The following CTNNA3 variants were observed in gnomAD, a reference collection of about 807,000 sequenced individuals.
The protein encoded by CTNNA3 is catenin alpha-3.
In CTNNA3, 76 loss-of-function variants were observed where a neutral mutation model predicts 95.7. The observed-to-expected ratio is 0.79, with a 90% CI of 0.66 to 0.96. The LOEUF (loss-of-function observed/expected upper bound fraction) is 0.96. Ranked by LOEUF, CTNNA3 falls within the 40% of genes least tolerant of loss-of-function variation. The pLI, the probability that CTNNA3 is intolerant of heterozygous loss-of-function variation, is 0.00. For synonymous variants in CTNNA3, 431 were observed against 374.4 expected (o/e 1.15, Z -1.74); for missense variants, 1,191 against 1,089.8 (o/e 1.09, Z -1.31).
At chr10:66,623,461 C>T (rs1186530002) in intron 9 of CTNNA3, among the ~76,000 whole-genome samples, 1 of 151,454 alleles carries the variant, frequency 6.6e-6, no homozygotes, top group Non-Finnish European at 1.5e-5. Flanking sequence ...TGCTGGCCAC[C>T]GAGGCTTATT....
rs368158826 is a variant in CTNNA3, at chr10:66,243,484, T to G, written c.1884+36986A>C. On this transcript the variant is annotated intron_variant, in intron 13 of 17. Transcript: ENST00000433211. ...CCTTATCTTAACCCAGACATTCCTT[T>G]TTTTCTATTGATTCTAGGTCTTTAG... Among the ~76,000 whole-genome samples the G allele has an allele frequency of 5.9e-5, 9 of 152,298 alleles. No homozygotes were observed. In the East Asian group the frequency reaches 1.7e-3, roughly 29 times the overall value.
intron 5 of CTNNA3, among the ~76,000 whole-genome samples, chr10:67,378,512 T>C (rs1396961481): frequency 1.3e-5 from 2 of 148,238 alleles, no homozygotes; most frequent in Non-Finnish European, 2.9e-5. Flanking sequence ...AAAGATGTTA[T>C]GAAACATTTT....
intron 7 of CTNNA3, among the ~76,000 whole-genome samples, chr10:67,152,680 C>T (rs1259530207): frequency 6.6e-6 from 1 of 152,108 alleles, no homozygotes; most frequent in South Asian, 2.1e-4. Flanking sequence ...AATTAAATTT[C>T]AACATCTAAC....
rs149634196 is a variant in CTNNA3 at position 67,733,005 on chromosome 10, G to A, written c.-2+30429C>T. ...CAAACACACCAAGGTATGTAACAGC[G>A]TTTATGGGGAAAATCCACACAGATG... On this transcript the variant is annotated intron_variant, in intron 1 of 17. Transcript: ENST00000684154. Among the ~76,000 whole-genome samples the A allele has an allele frequency of 7.4e-4, 112 of 152,080 alleles. 1 individual carries two copies. In the East Asian group the frequency reaches 0.018, roughly 24 times the overall value.
intron 10 of CTNNA3, among the ~76,000 whole-genome samples, chr10:66,530,175 A>G (rs557374146): frequency 1.3e-5 from 2 of 152,338 alleles, no homozygotes; most frequent in South Asian, 4.1e-4. Context: ...CACTTTGTGG[A>G]TTAAAAAGAT....
intron 6 of CTNNA3, among the ~76,000 whole-genome samples, chr10:67,201,113 T>C (rs148384204): frequency 6.6e-6 from 1 of 152,302 alleles, no homozygotes; most frequent in East Asian, 1.9e-4. Context: ...AACACTCACA[T>C]GACTAAGATA....
At chr10:67,073,386 A>T (rs1360745211) in intron 7 of CTNNA3, among the ~76,000 whole-genome samples, 3 of 152,188 alleles carry the variant, frequency 2.0e-5, no homozygotes, top group African/African-American at 7.2e-5. Flanking sequence ...CATCTATTTA[A>T]GATTATCTCC....
intron 7 of CTNNA3, among the ~76,000 whole-genome samples, chr10:66,777,062 A>G (rs948278766): frequency 2.0e-5 from 3 of 152,194 alleles, no homozygotes; most frequent in African/African-American, 7.2e-5. Context: ...AGGCACAGCT[A>G]AAGTTCTCTA....
At chr10:67,064,077 G>GTGC (rs1855919743) in intron 7 of CTNNA3, among the ~76,000 whole-genome samples, 1 of 152,112 alleles carries the variant, frequency 6.6e-6, no homozygotes, top group Non-Finnish European at 1.5e-5. Context: ...TCACTTAATA[G>GTGC]TGCACTTATT....
intron 11 of CTNNA3, among the ~76,000 whole-genome samples, chr10:66,450,698 C>T (rs1330582461): frequency 6.6e-6 from 1 of 152,074 alleles, no homozygotes; most frequent in African/African-American, 2.4e-5. Flanking sequence ...TTGTGCTAAA[C>T]TTTAGACCCT....
chr10:66,523,883 A>G (rs1336252653), intron 10 of CTNNA3, among the ~76,000 whole-genome samples: 1 of 152,126 alleles, frequency 6.6e-6, no homozygotes, highest in Non-Finnish European at 1.5e-5. Context: ...ATAAAATCCT[A>G]GTTGACTAAA....
chr10:67,228,871 C>A (rs1865060490), intron 5 of CTNNA3, among the ~76,000 whole-genome samples: 1 of 152,126 alleles, frequency 6.6e-6, no homozygotes, highest in East Asian at 1.9e-4. Flanking sequence ...GATGGACTCA[C>A]AGCAGAATTC....
intron 6 of CTNNA3, among the ~76,000 whole-genome samples, chr10:67,187,106 A>G (rs951825530): frequency 6.6e-6 from 1 of 152,130 alleles, no homozygotes; most frequent in Non-Finnish European, 1.5e-5. Context: ...TTTCAAAATT[A>G]AAGACTTTAA....
chr10:67,386,515 C>A lies in CTNNA3; in HGVS notation c.579+135327G>T, dbSNP rs1254248797. Among the ~76,000 whole-genome samples, 3 of 152,234 alleles carry A rather than the reference C, an allele frequency of 2.0e-5. No homozygotes were observed. The South Asian group carries it at 6.2e-4, about 32-fold the overall frequency. ...TTTTACCTAAGATCTGACTTCAACA[C>A]TTGTTTGAACTGAGTTGAAAGCCTT... On this transcript the variant is annotated intron_variant, in intron 5 of 17. Coordinates refer to ENST00000433211, the MANE Select transcript of CTNNA3 (RefSeq NM_013266.4).
chr10:67,735,425 GATATA>G (rs1431055553), intron 1 of CTNNA3, among the ~76,000 whole-genome samples: 28 of 151,956 alleles, frequency 1.8e-4, no homozygotes, highest in South Asian at 6.2e-4. Flanking sequence ...TGACAGAACG[GATATA>G]ATATAAGTTA....
chr10:66,656,821 T>C (rs1481137346), intron 9 of CTNNA3, among the ~76,000 whole-genome samples: 1 of 151,958 alleles, frequency 6.6e-6, no homozygotes, highest in African/African-American at 2.4e-5. Flanking sequence ...AGAGTGCTTT[T>C]TGTTGTTGTT....
intron 7 of CTNNA3, among the ~76,000 whole-genome samples, chr10:67,022,793 C>T (rs1255276516): frequency 6.6e-6 from 1 of 152,000 alleles, no homozygotes; most frequent in African/African-American, 2.4e-5. Flanking sequence ...AAAAAATTAG[C>T]CGGGCGTGGT....
intron 9 of CTNNA3, among the ~76,000 whole-genome samples, chr10:66,682,322 C>T (rs1313138629): frequency 6.6e-6 from 1 of 151,582 alleles, no homozygotes; most frequent in Non-Finnish European, 1.5e-5. Context: ...GGGGGTTATA[C>T]AATGCACAAT....
chr10:67,580,496 C>A (rs574385252), intron 3 of CTNNA3, among the ~76,000 whole-genome samples: 1 of 151,692 alleles, frequency 6.6e-6, no homozygotes, highest in Non-Finnish European at 1.5e-5. Context: ...TAGCATGATG[C>A]CTCCAGCTTT....
Sources: gnomAD v4.1 joint callset for allele counts (sites outside exome capture counted in the v4.1 genomes callset) on GRCh38, gnomAD v4.1.1 for gene constraint, MANE v1.5 for transcripts, NCBI Gene and HGNC (gene_info 2026-07-23, HGNC 2026-07-21) for gene names.